PRIM2: variants seen among roughly 807,000 people sequenced by gnomAD.
PRIM2 encodes the protein DNA primase subunit 2, also known as DNA primase large subunit.
In PRIM2, 39 loss-of-function variants were observed where a neutral mutation model predicts 67.3. The observed-to-expected ratio is 0.58, with a 90% CI of 0.45 to 0.76. The LOEUF is 0.76. PRIM2 is among the 30% of genes least tolerant of loss of function. The pLI is 0.00. For missense variants in PRIM2, 398 were observed against 598.7 expected, an observed-to-expected ratio of 0.66 and a Z score of 3.50; for synonymous variants, 143 against 198.7, an observed-to-expected ratio of 0.72 and a Z score of 2.36.
intron 8 of PRIM2, among the ~76,000 whole-genome samples, chr6:57,513,496 C>T (rs1774411260): frequency 6.6e-6 from 1 of 151,522 alleles, no homozygotes; most frequent in Non-Finnish European, 1.5e-5. Flanking sequence ...AGAATTTTTC[C>T]CCCTTAAAAA....
intron 8 of PRIM2, among the ~76,000 whole-genome samples, chr6:57,531,916 C>T (rs2127468197): frequency 6.6e-6 from 1 of 152,230 alleles, no homozygotes; most frequent in Admixed American, 6.5e-5. Flanking sequence ...ATGTCAGGCT[C>T]TTTAACAAAA....
chr6:57,607,149 T>G (rs1776578955), intron 12 of PRIM2, among the ~76,000 whole-genome samples: 1 of 152,190 alleles, frequency 6.6e-6, no homozygotes, highest in Admixed American at 6.5e-5. Flanking sequence ...CATTATATAT[T>G]TTAGAGTTAG....
At chr6:57,258,476 GCCAACCA>G in the PRIM2 span, among the ~76,000 whole-genome samples, 1 of 151,992 alleles carries the variant, frequency 6.6e-6, no homozygotes, top group Non-Finnish European at 1.5e-5. Context: ...GAGAACAAAA[GCCAACCA>G]CCCTGCCAAA....
rs537012500 is a variant in PRIM2, at chr6:57,427,747, G to A, written c.693+45579G>A. Among the ~76,000 whole-genome samples, 332 of 152,206 alleles carry A rather than the reference G, an allele frequency of 2.2e-3. 7 individuals carry two copies. The highest frequency in any genetic ancestry group is 3.4e-3 in the Middle Eastern group (1 of 294). On this transcript the variant is annotated intron_variant, in intron 7 of 13. Transcript: ENST00000615550. ...AGATTAAACTCTATGAATATGTTAA[G>A]GATGATGAATTAAGGGACCTGTCAG...
At chr6:57,295,280 C>T in the PRIM2 span, among the ~76,000 whole-genome samples, 3 of 152,042 alleles carry the variant, frequency 2.0e-5, no homozygotes, top group East Asian at 1.9e-4. Flanking sequence ...ATAATGACTT[C>T]TACATATTAA....
intron 10 of PRIM2, among the ~76,000 whole-genome samples, chr6:57,559,409 T>C (rs1775584832): frequency 6.6e-6 from 1 of 152,162 alleles, no homozygotes; most frequent in South Asian, 2.1e-4. Flanking sequence ...TGGCTTTACC[T>C]TGTACTTCTT....
intron 12 of PRIM2, among the ~76,000 whole-genome samples, chr6:57,609,634 G>C (rs1430748077): frequency 6.6e-6 from 1 of 152,142 alleles, no homozygotes; most frequent in Admixed American, 6.5e-5. Context: ...GTTTGCCCTT[G>C]ATCCATAAGT....
chr6:57,588,917 T>C (rs2127487732), intron 10 of PRIM2, among the ~76,000 whole-genome samples: 1 of 152,304 alleles, frequency 6.6e-6, no homozygotes, highest in East Asian at 1.9e-4. Context: ...CTTTAATTGA[T>C]GGTGATAGCC....
At chr6:57,558,911 TGAGCCCAG>T (rs1775572953) in intron 10 of PRIM2, among the ~76,000 whole-genome samples, 1 of 151,992 alleles carries the variant, frequency 6.6e-6, no homozygotes, top group Non-Finnish European at 1.5e-5. Context: ...GAAGATCACT[TGAGCCCAG>T]GAGCTCAAGA....
At chr6:57,380,594 A>G (rs1004545513) in intron 6 of PRIM2, among the ~76,000 whole-genome samples, 1 of 152,106 alleles carries the variant, frequency 6.6e-6, no homozygotes, top group Non-Finnish European at 1.5e-5. Context: ...GTTTAAATTC[A>G]TTTTACAATT....
At chr6:57,525,270 C>T (rs1363032659) in intron 8 of PRIM2, among the ~76,000 whole-genome samples, 5 of 152,130 alleles carry the variant, frequency 3.3e-5, no homozygotes, top group African/African-American at 1.2e-4. Context: ...CTTCAACAAC[C>T]TTAATAAACT....
chr6:57,404,683 T>C (rs1483180308), intron 7 of PRIM2, among the ~76,000 whole-genome samples: 1 of 152,224 alleles, frequency 6.6e-6, no homozygotes, highest in Non-Finnish European at 1.5e-5. Context: ...AGTTTTTCTC[T>C]GCAGTATGTA....
chr6:57,424,237 GTTC>G (rs1234667241), intron 7 of PRIM2, among the ~76,000 whole-genome samples: 2 of 152,076 alleles, frequency 1.3e-5, no homozygotes, highest in Admixed American at 6.5e-5. Context: ...GATAAGTTCA[GTTC>G]TTCTTTGTCA....
the PRIM2 span, among the ~76,000 whole-genome samples, chr6:57,261,806 T>C: frequency 6.6e-6 from 1 of 152,204 alleles, no homozygotes; most frequent in African/African-American, 2.4e-5. Flanking sequence ...TCCACCATTA[T>C]AGATCCTGCT....
intron 5 of PRIM2, among the ~76,000 whole-genome samples, chr6:57,360,079 A>G (rs1479279742): frequency 1.3e-5 from 2 of 152,202 alleles, no homozygotes; most frequent in African/African-American, 4.8e-5. Flanking sequence ...GAGTTTGCCA[A>G]AATTTAAAGC....
chr6:57,549,417 A>G (rs1775356970), intron 10 of PRIM2, among the ~76,000 whole-genome samples: 1 of 152,128 alleles, frequency 6.6e-6, no homozygotes, highest in Admixed American at 6.5e-5. Flanking sequence ...GTACTCGCAG[A>G]AGGAAGACTA....
chr6:57,503,053 A>G (rs1322681325), intron 7 of PRIM2, among the ~76,000 whole-genome samples: 104 of 152,328 alleles, frequency 6.8e-4, no homozygotes, highest in Non-Finnish European at 1.2e-3. Context: ...TTCTAAACCT[A>G]TGCCTCTGTT....
At chr6:57,370,835 A>G (rs570727141) in intron 5 of PRIM2, among the ~76,000 whole-genome samples, 5 of 151,560 alleles carry the variant, frequency 3.3e-5, no homozygotes, top group African/African-American at 9.7e-5. Context: ...AGTAGCTGGG[A>G]TTACAGCGTG....
intron 5 of PRIM2, among the ~76,000 whole-genome samples, chr6:57,366,355 T>G (rs1173341027): frequency 6.6e-6 from 1 of 152,030 alleles, no homozygotes; most frequent in Non-Finnish European, 1.5e-5. Flanking sequence ...TAGAAAGAGT[T>G]TAAAGGCCTG....
Sources: allele counts gnomAD v4.1 joint callset (sites outside exome capture counted in the v4.1 genomes callset), GRCh38; gene constraint gnomAD v4.1.1; transcripts MANE v1.5; gene names NCBI Gene and HGNC (gene_info 2026-07-23, HGNC 2026-07-21).